Variants in FPGS observed in about 807,000 individuals in gnomAD.
The protein encoded by FPGS is folylpolyglutamate synthase, mitochondrial.
In FPGS, 53 loss-of-function variants were observed where a neutral mutation model predicts 66.5. That is an observed-to-expected ratio of 0.80 (90% CI 0.64 to 1.00). FPGS has a LOEUF of 1.00. Ranked by LOEUF, FPGS falls within the 50% of genes least tolerant of loss-of-function variation. The probability of loss-of-function intolerance (pLI) is 0.00; values close to 1 mark genes in which losing one functional copy is unlikely to be tolerated. For synonymous variants in FPGS, 348 were observed against 350.9 expected, an observed-to-expected ratio of 0.99 and a Z score of 0.09; for missense variants, 702 against 807.7, an observed-to-expected ratio of 0.87 and a Z score of 1.59.
At chr9:127,808,450 C>A in intron 9 of FPGS, 108 bp from the exon 10 acceptor site, 1 of 1,535,614 alleles carries the variant, frequency 6.5e-7, no homozygotes, top group Non-Finnish European at 8.9e-7. Flanking sequence ...TGCTGGAACA[C>A]ATCTCAGTTC....
rs1830175075 is a variant in FPGS, at chr9:127,813,435, A to AC, written c.1599dup (p.Ile534HisfsTer6). On this transcript the variant is annotated frameshift_variant, in exon 15 of 15. Transcript: ENST00000373247. LOFTEE classifies it high-confidence loss of function. ...TTGCAATGGATCAGCCAAGGCCGAG[A>AC]CCCCATCTTCCAGCCACCTAGTCCC... is the stretch of plus-strand genomic sequence containing the variant. 1.9e-6 allele frequency: 3 copies of AC among 1,610,420 alleles called. No homozygotes were observed. The highest frequency in any genetic ancestry group is 1.7e-5 in the Admixed American group (1 of 59,720).
In FPGS at chr9:127,813,275, G is replaced by A. The variant is rs151273174; in HGVS notation, c.1435G>A (p.Glu479Lys). ...CCAGCAGCACTGGAACCACCTGGAC[G>A]AAGAGCAGGCCAGCCCGGACCTCTG... ...EHQQHWNHLD[E>K]EQASPDLWSA... is the part of the protein sequence containing the mutation. The change falls in exon 15 of 15, where the codon GAA becomes AAA. Residue 479 changes from glutamate (E) to lysine (K), a missense_variant. Glu to Lys is a moderately conservative substitution (Grantham distance 56). Transcript: ENST00000373247. 25 of 1,612,954 alleles carry A rather than the reference G, an allele frequency of 1.5e-5. No individual in the cohort carries two copies. The highest frequency in any genetic ancestry group is 7.7e-5 in the South Asian group (7 of 91,026).
chr9:127,803,382 G>C (rs769467234), intron 1 of FPGS: 2 of 1,106,106 alleles, frequency 1.8e-6, no homozygotes, highest in Non-Finnish European at 2.2e-6. Context: ...AGTCTGAACC[G>C]GCAGTGAGAG....
At chr9:127,809,043 T>C (rs576981582) in intron 11 of FPGS, among the ~76,000 whole-genome samples, 154 bp downstream of exon 11, 1 of 151,392 alleles carries the variant, frequency 6.6e-6, no homozygotes, top group South Asian at 2.1e-4. Context: ...CAAACCTCCC[T>C]GACCTTGAGC....
intron 14 of FPGS, 91 bp downstream of exon 14, chr9:127,811,102 A>G: frequency 1.5e-6 from 1 of 682,678 alleles, no homozygotes; most frequent in Non-Finnish European, 2.5e-6. Context: ...GGGGTAGGAA[A>G]TAAATTTGTT....
At chr9:127,811,688 G>A (rs1830087338) in intron 14 of FPGS, among the ~76,000 whole-genome samples, 1 of 152,078 alleles carries the variant, frequency 6.6e-6, no homozygotes, top group Admixed American at 6.5e-5. Context: ...GTTTCTCCAT[G>A]TTGGCCAGGC....
intron 4 of FPGS, among the ~76,000 whole-genome samples, chr9:127,806,004 A>G (rs1784914827): frequency 1.3e-5 from 2 of 152,360 alleles, no homozygotes; most frequent in Admixed American, 6.5e-5. Flanking sequence ...TCAAATAAAG[A>G]GATGGAGAGG....
In FPGS at chr9:127,809,665, C is replaced by G; in HGVS notation, c.1061-19C>G. On this transcript the variant is annotated intron_variant, in intron 11 of 14. Transcript: ENST00000373247. ...GGGTGGGAGAGGGCCTGGAGGACTG[C>G]CTTGCTGCCCTCCCCCAGGGCTTCG... 1 of 1,578,880 alleles carries G rather than the reference C, an allele frequency of 6.3e-7. No individual in the cohort carries two copies. The highest frequency in any genetic ancestry group is 8.5e-7 in the Non-Finnish European group (1 of 1,170,466).
At chr9:127,804,188 C>T in intron 1 of FPGS, 97 bp from the exon 2 acceptor site, 1 of 1,507,622 alleles carries the variant, frequency 6.6e-7, no homozygotes, top group Non-Finnish European at 9.0e-7. Flanking sequence ...TGGTACTGGC[C>T]TTGTTGCCCT....
Position 127,813,182 on chromosome 9 carries a change from C to T in FPGS, c.1355-13C>T. 2 of 1,551,736 alleles carry T rather than the reference C, an allele frequency of 1.3e-6. No individual in the cohort carries two copies. The highest frequency in any genetic ancestry group is 1.7e-6 in the Non-Finnish European group (2 of 1,145,032). On this transcript the variant is annotated splice_polypyrimidine_tract_variant and intron_variant, in intron 14 of 14. Transcript: ENST00000373247. The stretch of plus-strand genomic sequence containing the variant: ...CTCCCCTTCGCTGATAGGCCTTTCT[C>T]TGTGCCCCACAGACCAACAGAACTT...
At chr9:127,811,123 AG>A (rs1330850143) in intron 14 of FPGS, 112 bp downstream of exon 14, 3 of 566,978 alleles carry the variant, frequency 5.3e-6, no homozygotes, top group Non-Finnish European at 9.7e-6. Flanking sequence ...TTACTGTGTA[AG>A]AACACTTTAG....
rs1829858924 is a variant in FPGS, at chr9:127,807,441, G to C, written c.600G>C (p.Glu200Asp). Residue 200 changes from glutamate to aspartate, a missense_variant, in exon 7 of 15, where the codon GAG becomes GAC. Coordinates refer to ENST00000373247, the MANE Select transcript of FPGS (RefSeq NM_004957.6). The surrounding 1 kb of genome is among the most constrained non-coding windows in gnomAD (Gnocchi z 5.8). Reference sequence around the variant, plus strand: ...GACAGGTGGACCTGGCAGTGGTGGAGGTGGGCATTGGCGGGGCTTATGACT... The same window carrying C: ...GACAGGTGGACCTGGCAGTGGTGGACGTGGGCATTGGCGGGGCTTATGACT... ...LQEKVDLAVV[E>D]VGIGGAYDCT... 1 of 1,614,032 alleles carries C rather than the reference G, an allele frequency of 6.2e-7. No individual in the cohort carries two copies. Among genetic ancestry groups the C allele is most frequent in the Non-Finnish European group, 8.5e-7 (1 of 1,180,024 alleles).
At position 127,810,026 on chromosome 9, in the gene FPGS, C is replaced by G. The variant is rs201756483; in HGVS notation, c.1212-5C>G. The G allele has an allele frequency of 5.6e-4, 901 of 1,610,186 alleles. 10 individuals carry two copies. In the East Asian group the frequency reaches 0.019, roughly 33 times the overall value. Reference sequence around the variant, plus strand: ...CTTTGACCCAGCTCCTCACCTCTGTCGCAGTGGCCCCGAGGTTCGAGTCTT... The same window carrying G: ...CTTTGACCCAGCTCCTCACCTCTGTGGCAGTGGCCCCGAGGTTCGAGTCTT... On this transcript the variant is annotated splice_polypyrimidine_tract_variant and splice_region_variant and intron_variant, in intron 12 of 14. Transcript: ENST00000373247.
intron 11 of FPGS, 57 bp downstream of exon 11, chr9:127,808,946 ATTT>A (rs543518198): frequency 9.4e-3 from 8,228 of 873,052 alleles, no homozygotes; most frequent in South Asian, 0.012. Context: ...GCCCCTTCAG[ATTT>A]TTTTTTTTTT....
chr9:127,809,129 T>G (rs1326929572), intron 11 of FPGS, among the ~76,000 whole-genome samples: 1 of 151,934 alleles, frequency 6.6e-6, no homozygotes, highest in Non-Finnish European at 1.5e-5. Flanking sequence ...CGGGCTGTGG[T>G]GGGGATTCGC....
Position 127,804,491 on chromosome 9 carries a change from T to C in FPGS, c.268-8T>C. On this transcript the variant is annotated splice_region_variant and splice_polypyrimidine_tract_variant and intron_variant, in intron 2 of 14. Coordinates refer to ENST00000373247, the MANE Select transcript of FPGS (RefSeq NM_004957.6). ...AGCTGAGGCAGGGACCTTGTCTGTCTGTCCCAGGTGGAGGACTTGGACCGG... is the reference window on the plus strand; with the variant it reads ...AGCTGAGGCAGGGACCTTGTCTGTCCGTCCCAGGTGGAGGACTTGGACCGG... The C allele has an allele frequency of 2.5e-6, 4 of 1,614,016 alleles. No homozygotes were observed. Among genetic ancestry groups the C allele is most frequent in the Non-Finnish European group, 3.4e-6 (4 of 1,179,878 alleles).
At position 127,806,972 on chromosome 9, in the gene FPGS, G is replaced by A. The variant is rs1444505545; in HGVS notation, c.387-1G>A. The A allele has an allele frequency of 1.2e-6, 2 of 1,612,864 alleles. No homozygotes were observed. The highest frequency in any genetic ancestry group is 1.7e-6 in the Non-Finnish European group (2 of 1,179,198). On this transcript the variant is annotated splice_acceptor_variant, in intron 4 of 14. Coordinates refer to ENST00000373247, the MANE Select transcript of FPGS (RefSeq NM_004957.6). LOFTEE classifies it high-confidence loss of function. ...CCTGATGACCCCAGCTGTCCCGGCA[G>A]CTCTCCCCACCTGGTGCAGGTTCGG...
In FPGS at chr9:127,813,701, T is replaced by C. The variant is rs1830189395; in HGVS notation, c.*97T>C. 2.8e-6 allele frequency: 4 copies of C among 1,423,144 alleles called. No individual in the cohort carries two copies. The African/African-American group carries it at 5.8e-5, about 21-fold the overall frequency. 88.2% of individuals were successfully genotyped at this position (1,423,144 alleles called of 1,614,324 possible). Reference sequence around the variant, plus strand: ...TGCCTTTTGTTTTTGGCTTTCCTGGTTCTGTCTAGACTGGCCTAGGGGCCA... The same window carrying C: ...TGCCTTTTGTTTTTGGCTTTCCTGGCTCTGTCTAGACTGGCCTAGGGGCCA... On this transcript the variant is annotated 3_prime_UTR_variant, in exon 15 of 15. Transcript: ENST00000373247.
At chr9:127,806,061 A>G (rs1829794548) in intron 4 of FPGS, among the ~76,000 whole-genome samples, 1 of 152,226 alleles carries the variant, frequency 6.6e-6, no homozygotes, top group African/African-American at 2.4e-5. Flanking sequence ...ATAAGGCACC[A>G]ACCTGTCTTC....
Sources: allele counts gnomAD v4.1 joint callset (sites outside exome capture counted in the v4.1 genomes callset), GRCh38; gene constraint gnomAD v4.1.1; non-coding constraint Gnocchi (gnomAD v3.1); transcripts MANE v1.5; gene names NCBI Gene and HGNC (gene_info 2026-07-23, HGNC 2026-07-21).